Variants in MADD observed in about 807,000 individuals in gnomAD.
MADD encodes the protein MAP kinase-activating death domain protein.
MADD carries 109 observed loss-of-function variants against 176.7 expected under a neutral mutation model. The ratio of observed to expected loss-of-function variants is 0.62; its 90% confidence interval spans 0.53 to 0.72. MADD has a LOEUF of 0.72. Among genes scored for constraint, MADD ranks in the 30% least tolerant of loss-of-function variants. The pLI is 0.00. For missense variants in MADD, 1,914 were observed against 2,045.5 expected, an observed-to-expected ratio of 0.94 and a Z score of 1.24; for synonymous variants, 771 against 771.3, an observed-to-expected ratio of 1.00 and a Z score of 0.01.
At chr11:47,323,857 G>A (rs2094961062) in intron 28 of MADD, 22 bp downstream of exon 31, 2 of 1,612,020 alleles carry the variant, frequency 1.2e-6, no homozygotes, top group East Asian at 2.2e-5. Flanking sequence ...CTGTGTTTGG[G>A]TTGGGGCTAG....
intron 27 of MADD, among the ~76,000 whole-genome samples, chr11:47,320,834 A>G (rs1296882989): frequency 6.6e-6 from 1 of 151,972 alleles, no homozygotes; most frequent in African/African-American, 2.4e-5. Flanking sequence ...AGTTGGGAGG[A>G]TCCTTGAGCC....
intron 28 of MADD, 155 bp downstream of exon 31, chr11:47,323,990 C>A: frequency 1.3e-6 from 1 of 786,452 alleles, no homozygotes; most frequent in Non-Finnish European, 2.0e-6. Context: ...TCTGTCAAGC[C>A]AACTAGGCCT....
At chr11:47,320,430 G>C (rs1035868240) in intron 27 of MADD, among the ~76,000 whole-genome samples, 4 of 151,638 alleles carry the variant, frequency 2.6e-5, no homozygotes, top group African/African-American at 9.7e-5. Context: ...ACTCCAGCCT[G>C]GGCGACAGAG....
At position 47,325,030 on chromosome 11, in the gene MADD, T is replaced by G; in HGVS notation, c.4542+453T>G. On this transcript the variant is annotated intron_variant, in intron 30 of 32. Coordinates refer to ENST00000402192, the Ensembl canonical transcript of MADD. The surrounding 1 kb of genome is among the most constrained non-coding windows in gnomAD (Gnocchi z 4.5). ...GCGTGCGTGCGTGCCTGCGTGCTTG[T>G]GTGTAAGTAGCTTGTATCTGTCCTC... 1 of 471,766 alleles carries G rather than the reference T, an allele frequency of 2.1e-6. No individual in the cohort carries two copies. Among genetic ancestry groups the G allele is most frequent in the South Asian group, 2.5e-5 (1 of 39,522 alleles). The allele number at this position is 471,766 out of a possible 1,614,324, so 29.2% of individuals were successfully genotyped here.
chr11:47,328,980 A>G (rs2095781857), intron 32 of MADD, 66 bp from the exon 37 acceptor site: 3 of 1,354,322 alleles, frequency 2.2e-6, no homozygotes, highest in Middle Eastern at 1.8e-4. Flanking sequence ...GCCCATTGGC[A>G]GATCCTTCAC....
At chr11:47,329,531 T>C in exon 33 of MADD, 1 of 190,434 alleles carries the variant, frequency 5.3e-6, no homozygotes, top group Non-Finnish European at 1.1e-5. Flanking sequence ...CCGGCATGAC[T>C]GGGCGCCTGG....
intron 21 of MADD, 138 bp from the exon 24 acceptor site, chr11:47,295,759 A>G (rs932807736): frequency 3.3e-6 from 5 of 1,520,768 alleles, no homozygotes; most frequent in Non-Finnish European, 3.5e-6. Context: ...CTCATCTTAT[A>G]AAGAAGGTAC....
Position 47,284,472 on chromosome 11 carries a change from CAGTG to C in MADD, c.2067_2070del (p.Ser689ArgfsTer44). Reference sequence around the variant, plus strand: ...AGGAAGCAGAAGAGCCTGGCCCAGACAGTGAGAACTCTCAGGAAAACCCCCCACT... The same window carrying C: ...AGGAAGCAGAAGAGCCTGGCCCAGACAGAACTCTCAGGAAAACCCCCCACT... On this transcript the variant is annotated frameshift_variant, in exon 12 of 33. Transcript: ENST00000402192. LOFTEE classifies it high-confidence loss of function. The C allele has an allele frequency of 6.2e-7, 1 of 1,614,114 alleles. No individual in the cohort carries two copies. Among genetic ancestry groups the C allele is most frequent in the Non-Finnish European group, 8.5e-7 (1 of 1,180,020 alleles).
intron 5 of MADD, among the ~76,000 whole-genome samples, chr11:47,277,601 T>A (rs984074297): frequency 2.6e-5 from 4 of 152,256 alleles, no homozygotes; most frequent in African/African-American, 9.6e-5. Context: ...CCAGCCTCTT[T>A]CTACATATAT....
exon 10 of MADD, chr11:47,282,834 T>A (rs1016048458): frequency 6.2e-7 from 1 of 1,614,160 alleles, no homozygotes; most frequent in Non-Finnish European, 8.5e-7. Context: ...CCAGCCCTGA[T>A]TGGTGACAAG....
chr11:47,290,262 G>T (rs2064006513), exon 18 of MADD: 2 of 1,614,108 alleles, frequency 1.2e-6, no homozygotes, highest in East Asian at 2.2e-5. Flanking sequence ...GCATCTTTGG[G>T]CTTTTGGAGA....
exon 24 of MADD, chr11:47,309,289 C>A (rs764636265): frequency 1.7e-5 from 28 of 1,613,958 alleles, no homozygotes; most frequent in Non-Finnish European, 2.3e-5. Context: ...AGGCAAAGAG[C>A]GTTCTACTTT....
intron 22 of MADD, among the ~76,000 whole-genome samples, chr11:47,302,933 T>C (rs1206943650): frequency 6.6e-6 from 1 of 152,228 alleles, no homozygotes; most frequent in Admixed American, 6.5e-5. Flanking sequence ...GTGGATTTCA[T>C]ACTTTTGTGT....
intron 19 of MADD, among the ~76,000 whole-genome samples, 195 bp downstream of exon 21, chr11:47,292,791 C>A (rs146175670): frequency 6.6e-5 from 10 of 152,220 alleles, no homozygotes; most frequent in Admixed American, 2.0e-4. Flanking sequence ...TCGTGTCAAT[C>A]AGGCTATAAC....
intron 22 of MADD, among the ~76,000 whole-genome samples, chr11:47,300,422 G>C (rs2076767916): frequency 6.6e-6 from 1 of 150,858 alleles, no homozygotes; most frequent in Admixed American, 6.6e-5. Flanking sequence ...GGCCAGGGTG[G>C]TCTCGAACTC....
At chr11:47,288,417 G>A (rs2138180675) in intron 15 of MADD, among the ~76,000 whole-genome samples, 1 of 152,358 alleles carries the variant, frequency 6.6e-6, no homozygotes, top group South Asian at 2.1e-4. Flanking sequence ...AACTAGCACT[G>A]CCAGGGAATC....
chr11:47,326,450 C>T (rs1295581814), intron 30 of MADD, 94 bp from the exon 34 acceptor site: 15 of 1,057,816 alleles, frequency 1.4e-5, no homozygotes, highest in South Asian at 5.2e-5. Flanking sequence ...AGGGTACGGG[C>T]GGGCAGCCCA....
intron 22 of MADD, among the ~76,000 whole-genome samples, chr11:47,304,221 T>C (rs994895005): frequency 1.3e-5 from 2 of 151,902 alleles, no homozygotes; most frequent in Non-Finnish European, 2.9e-5. Flanking sequence ...TAGTTCTCTA[T>C]TGTATTTTTT....
At chr11:47,328,283 C>A in intron 31 of MADD, 1 of 1,150,588 alleles carries the variant, frequency 8.7e-7, no homozygotes, top group Non-Finnish European at 1.1e-6. Context: ...TCTCTCCTCC[C>A]AGCCAAAACC....
Sources: gnomAD v4.1 joint callset for allele counts (sites outside exome capture counted in the v4.1 genomes callset) on GRCh38, gnomAD v4.1.1 for gene constraint, Gnocchi (gnomAD v3.1) non-coding constraint, MANE v1.5 for transcripts, NCBI Gene and HGNC (gene_info 2026-07-23, HGNC 2026-07-21) for gene names.